Variants in SPOP observed in about 807,000 individuals in gnomAD.
SPOP encodes the protein speckle-type POZ protein.
A neutral mutation model predicts 45.6 loss-of-function variants in SPOP; 11 were observed. That is an observed-to-expected ratio of 0.24 (90% CI 0.15 to 0.40). The LOEUF (loss-of-function observed/expected upper bound fraction) is 0.40, where lower values mean the gene tolerates loss of function less well. SPOP is among the 10% of genes least tolerant of loss of function. The pLI is 1.00. For missense variants in SPOP, 152 were observed against 465.6 expected (o/e 0.33, Z 6.20); for synonymous variants, 166 against 166.3 (o/e 1.00, Z 0.01).
At chr17:49,611,964 C>T (rs1478912116) in intron 5 of SPOP, among the ~76,000 whole-genome samples, 3 of 151,286 alleles carry the variant, frequency 2.0e-5, no homozygotes, top group African/African-American at 4.9e-5. Context: ...CTCACTGCAG[C>T]GTTGACCTCC....
intron 1 of SPOP, among the ~76,000 whole-genome samples, chr17:49,661,216 T>C (rs1447441911): frequency 2.0e-5 from 3 of 152,164 alleles, no homozygotes; most frequent in Non-Finnish European, 2.9e-5. Flanking sequence ...ATCAAAAGTT[T>C]TCAATCTCTC....
chr17:49,652,400 A>G (rs2072854783), intron 1 of SPOP, among the ~76,000 whole-genome samples: 1 of 152,212 alleles, frequency 6.6e-6, no homozygotes, highest in Non-Finnish European at 1.5e-5. Context: ...CATTGAATGT[A>G]GTTTGAATGT....
intron 1 of SPOP, among the ~76,000 whole-genome samples, chr17:49,624,649 T>A (rs1192593920): frequency 6.6e-6 from 1 of 151,942 alleles, no homozygotes; most frequent in Admixed American, 6.6e-5. Flanking sequence ...TTTTTTGTAT[T>A]TTTTTGTGGA....
chr17:49,633,053 T>C (rs2072481609), intron 1 of SPOP, among the ~76,000 whole-genome samples: 1 of 152,236 alleles, frequency 6.6e-6, no homozygotes, highest in East Asian at 1.9e-4. Context: ...GCTGAACTAC[T>C]TTGTAACTGT....
Position 49,600,520 on chromosome 17 carries a change from T to C in SPOP, c.983A>G (p.His328Arg). The change falls in exon 10 of 10, where the codon CAT (histidine) becomes CGT (arginine). Residue 328 changes from histidine (H) to arginine (R), a missense_variant and splice_region_variant. Physicochemically the swap from His to Arg is conservative, Grantham distance 29. Coordinates refer to ENST00000504102, the MANE Select transcript of SPOP (RefSeq NM_001007228.2). This position sits in a 1 kb window ranked among gnomAD's most constrained non-coding sequence, Gnocchi z 4.2. ...AGAGGTCTCCAAGACATCCGAAGCATGACTAGGAGAAATGTGGAGAAATGG... is the reference window on the plus strand; with the variant it reads ...AGAGGTCTCCAAGACATCCGAAGCACGACTAGGAGAAATGTGGAGAAATGG... ...KTQAVDFINY[H>R]ASDVLETSGW... The C allele has an allele frequency of 6.2e-7, 1 of 1,613,906 alleles. No homozygotes were observed. Among genetic ancestry groups the C allele is most frequent in the Non-Finnish European group, 8.5e-7 (1 of 1,179,968 alleles).
chr17:49,672,313 T>C (rs1022045996), intron 1 of SPOP, among the ~76,000 whole-genome samples: 10 of 152,178 alleles, frequency 6.6e-5, no homozygotes, highest in Non-Finnish European at 1.3e-4. Flanking sequence ...GCTGGAGAAG[T>C]GTAACAGTAC....
intron 1 of SPOP, among the ~76,000 whole-genome samples, chr17:49,668,980 G>A (rs576254884): frequency 9.9e-5 from 15 of 151,204 alleles, no homozygotes; most frequent in East Asian, 2.0e-4. Flanking sequence ...GTTTCACCGC[G>A]TTAGCCAGGG....
chr17:49,601,986 C>T lies in SPOP; in HGVS notation c.859G>A (p.Val287Ile), dbSNP rs2071748628. 1 of 1,614,112 alleles carries T rather than the reference C, an allele frequency of 6.2e-7. No individual in the cohort carries two copies. Among genetic ancestry groups the T allele is most frequent in the Non-Finnish European group, 8.5e-7 (1 of 1,179,988 alleles). The change falls in exon 9 of 10, where the codon GTC becomes ATC. Residue 287 changes from valine to isoleucine, a missense_variant. This residue lies in a region of SPOP where 106 missense variants were observed against 255.2 expected (regional missense o/e 0.42). Coordinates refer to ENST00000504102, the MANE Select transcript of SPOP (RefSeq NM_001007228.2). ...CTGCAGAGGGCATCCTCACACATGACCTTTAAGCGCTCCAGGGCATACTGT... is the reference window on the plus strand; with the variant it reads ...CTGCAGAGGGCATCCTCACACATGATCTTTAAGCGCTCCAGGGCATACTGT... ...ADKYALERLK[V>I]MCEDALCSNL... is the part of the protein sequence containing the mutation.
At chr17:49,635,474 A>G (rs1301461924) in intron 1 of SPOP, among the ~76,000 whole-genome samples, 1 of 152,168 alleles carries the variant, frequency 6.6e-6, no homozygotes, top group African/African-American at 2.4e-5. Context: ...CAAAGTAACA[A>G]GTTTTCAGAT....
At chr17:49,638,700 T>C (rs2072590010) in intron 1 of SPOP, among the ~76,000 whole-genome samples, 3 of 152,226 alleles carry the variant, frequency 2.0e-5, no homozygotes, top group Non-Finnish European at 2.9e-5. Context: ...GTCCAGTTAC[T>C]ATCAGTGATC....
intron 1 of SPOP, among the ~76,000 whole-genome samples, chr17:49,663,994 A>C (rs1402791665): frequency 6.6e-6 from 1 of 152,210 alleles, no homozygotes; most frequent in African/African-American, 2.4e-5. Context: ...CATTTAGAAG[A>C]TCTGCTTAAC....
intron 1 of SPOP, among the ~76,000 whole-genome samples, chr17:49,647,162 G>A (rs1034523801): frequency 1.3e-5 from 2 of 151,554 alleles, no homozygotes; most frequent in Non-Finnish European, 2.9e-5. Flanking sequence ...CAGGTGTGGT[G>A]GTGCATGCCT....
At chr17:49,675,429 T>C (rs2073186604) in intron 1 of SPOP, among the ~76,000 whole-genome samples, 1 of 152,190 alleles carries the variant, frequency 6.6e-6, no homozygotes. Flanking sequence ...TATAGGTGTA[T>C]ATGCTTGTAA....
chr17:49,607,012 T>C (rs1227843430), intron 8 of SPOP: 3 of 415,320 alleles, frequency 7.2e-6, no homozygotes, highest in Non-Finnish European at 1.3e-5. Context: ...AAGTCAAACT[T>C]ATCCTTCTTT....
chr17:49,621,425 C>T (rs564470387), intron 3 of SPOP, among the ~76,000 whole-genome samples: 3 of 152,328 alleles, frequency 2.0e-5, no homozygotes, highest in Non-Finnish European at 2.9e-5. Context: ...TCAAACCCAT[C>T]CTATACCCTG....
chr17:49,635,925 C>T (rs2143401266), intron 1 of SPOP, among the ~76,000 whole-genome samples: 1 of 152,038 alleles, frequency 6.6e-6, no homozygotes, highest in South Asian at 2.1e-4. Context: ...TGAGCCACCG[C>T]ACCTGGTCCC....
chr17:49,608,862 C>T (rs2071906869), intron 6 of SPOP, among the ~76,000 whole-genome samples: 1 of 151,404 alleles, frequency 6.6e-6, no homozygotes, highest in South Asian at 2.1e-4. Context: ...AAATTTTGGC[C>T]TATAGTTTAT....
At chr17:49,605,266 A>T (rs370161821) in intron 8 of SPOP, among the ~76,000 whole-genome samples, 3 of 152,350 alleles carry the variant, frequency 2.0e-5, no homozygotes, top group Admixed American at 1.3e-4. Context: ...AATAACTACT[A>T]AGGTAAAAGT....
At chr17:49,602,348 T>C (rs532870231) in intron 8 of SPOP, 165 of 196,004 alleles carry the variant, frequency 8.4e-4, no homozygotes, top group African/African-American at 3.7e-3. Context: ...CACTTACAAT[T>C]ACAGTGAGGC....
Sources: allele counts gnomAD v4.1 joint callset (sites outside exome capture counted in the v4.1 genomes callset), GRCh38; gene constraint gnomAD v4.1.1; regional missense constraint gnomAD v4.1.1; non-coding constraint Gnocchi (gnomAD v3.1); transcripts MANE v1.5; gene names NCBI Gene and HGNC (gene_info 2026-07-23, HGNC 2026-07-21).